Variants in DAB1 observed in about 807,000 individuals in gnomAD.
The protein encoded by DAB1 is disabled homolog 1.
A neutral mutation model predicts 64.6 loss-of-function variants in DAB1; 15 were observed. The observed-to-expected ratio is 0.23, with a 90% confidence interval of 0.16 to 0.36. The LOEUF (loss-of-function observed/expected upper bound fraction) is 0.36. DAB1 is among the 10% of genes least tolerant of loss of function. The probability of loss-of-function intolerance (pLI) is 1.00; values close to 1 mark genes in which losing one functional copy is unlikely to be tolerated. For missense variants in DAB1, 596 were observed against 706.7 expected (o/e 0.84, Z 1.78); for synonymous variants, 235 against 251.9 (o/e 0.93, Z 0.64).
intron 7 of DAB1, among the ~76,000 whole-genome samples, chr1:57,485,314 T>G: frequency 6.6e-6 from 1 of 152,200 alleles, no homozygotes; most frequent in East Asian, 1.9e-4. Context: ...GGTGAGACCC[T>G]CTAACATTTT....
chr1:58,322,230 A>G (rs1275129196), intron 4 of DAB1, among the ~76,000 whole-genome samples: 1 of 152,248 alleles, frequency 6.6e-6, no homozygotes, highest in Non-Finnish European at 1.5e-5. Context: ...AAAAGCCAAA[A>G]TAGACAAATG....
At chr1:57,105,897 C>T (rs537816565) in intron 4 of DAB1, among the ~76,000 whole-genome samples, 18 of 152,228 alleles carry the variant, frequency 1.2e-4, no homozygotes, top group African/African-American at 4.3e-4. Context: ...ACTGATGGTC[C>T]TTTCTGACTG....
At chr1:57,454,831 C>G (rs1253580780) in intron 7 of DAB1, among the ~76,000 whole-genome samples, 1 of 152,024 alleles carries the variant, frequency 6.6e-6, no homozygotes, top group Non-Finnish European at 1.5e-5. Flanking sequence ...AGTAATTAAG[C>G]TGAGCACTGG....
At chr1:58,196,744 C>A (rs1657697920) in intron 4 of DAB1, among the ~76,000 whole-genome samples, 1 of 152,158 alleles carries the variant, frequency 6.6e-6, no homozygotes, top group South Asian at 2.1e-4. Flanking sequence ...CTCATGAGAA[C>A]TCCCTTACTA....
At chr1:57,093,203 G>T (rs574464116) in intron 4 of DAB1, among the ~76,000 whole-genome samples, 1 of 152,310 alleles carries the variant, frequency 6.6e-6, no homozygotes, top group South Asian at 2.1e-4. Flanking sequence ...GCAGGTGGCT[G>T]CTCGTCACCT....
intron 7 of DAB1, among the ~76,000 whole-genome samples, chr1:57,646,652 G>C (rs1646194272): frequency 6.6e-6 from 1 of 152,186 alleles, no homozygotes; most frequent in African/African-American, 2.4e-5. Flanking sequence ...GGGAGGCTGA[G>C]ATGGGAGGAT....
intron 1 of DAB1, among the ~76,000 whole-genome samples, chr1:57,353,584 C>T (rs998693782): frequency 2.0e-5 from 3 of 152,148 alleles, no homozygotes; most frequent in African/African-American, 7.2e-5. Flanking sequence ...TGCTGGACCT[C>T]AGCATTCACT....
chr1:57,442,314 T>A (rs376165367), intron 7 of DAB1, among the ~76,000 whole-genome samples: 4 of 152,222 alleles, frequency 2.6e-5, no homozygotes, highest in African/African-American at 9.6e-5. Flanking sequence ...AAAGTAGTAA[T>A]CATTAATTTG....
At chr1:57,480,263 C>A (rs1643999450) in intron 7 of DAB1, among the ~76,000 whole-genome samples, 1 of 151,814 alleles carries the variant, frequency 6.6e-6, no homozygotes, top group Non-Finnish European at 1.5e-5. Flanking sequence ...TGAGCATTTA[C>A]AAATGGGTAC....
intron 4 of DAB1, among the ~76,000 whole-genome samples, chr1:58,259,426 G>A (rs1454845229): frequency 6.6e-6 from 1 of 152,174 alleles, no homozygotes; most frequent in Non-Finnish European, 1.5e-5. Flanking sequence ...CTTTCTCTTG[G>A]AAGATTCCCA....
intron 5 of DAB1, among the ~76,000 whole-genome samples, chr1:57,971,538 TA>T (rs1391604056): frequency 6.6e-6 from 1 of 152,254 alleles, no homozygotes; most frequent in African/African-American, 2.4e-5. Flanking sequence ...GGCCAGTTGT[TA>T]AACTCTTTGA....
Position 57,393,158 on chromosome 1 carries a change from C to A in DAB1, c.-137+30772G>T, listed in dbSNP as rs549151454. Among the ~76,000 whole-genome samples, 6 of 152,154 alleles carry A rather than the reference C, an allele frequency of 3.9e-5. No individual in the cohort carries two copies. In the South Asian group the frequency reaches 1.2e-3, roughly 32 times the overall value. ...TCTGTGTGACCTGAGCAAGCTAATT[C>A]TTTGGCCTTGGTTTCTTATGAAAAA... On this transcript the variant is annotated intron_variant, in intron 1 of 14. Transcript: ENST00000371236.
At chr1:58,312,977 G>T (rs1483479373) in intron 4 of DAB1, among the ~76,000 whole-genome samples, 1 of 152,148 alleles carries the variant, frequency 6.6e-6, no homozygotes, top group Non-Finnish European at 1.5e-5. Flanking sequence ...CATACAGGAA[G>T]TGCAATGTTA....
intron 6 of DAB1, among the ~76,000 whole-genome samples, chr1:57,811,891 A>G (rs1186537936): frequency 6.6e-6 from 1 of 152,198 alleles, no homozygotes; most frequent in Non-Finnish European, 1.5e-5. Context: ...TAGAATATGT[A>G]AAGTTCTACA....
chr1:57,108,836 A>T (rs973674713), intron 4 of DAB1, among the ~76,000 whole-genome samples: 1 of 152,180 alleles, frequency 6.6e-6, no homozygotes, highest in South Asian at 2.1e-4. Context: ...TGTTTCTAGG[A>T]AGACTAAATA....
chr1:58,190,231 T>C lies in DAB1; in HGVS notation n.310-39643A>G, dbSNP rs78846309. 3.1e-3 allele frequency among the ~76,000 whole-genome samples: 471 copies of C among 152,286 alleles called. 1 individual carries two copies. Among genetic ancestry groups the C allele is most frequent in the African/African-American group, 9.9e-3 (413 of 41,562 alleles). Reference sequence around the variant, plus strand: ...TTTGCAGACTAATATATGCCAGATATAAGAAAGAATCCTGCTGTTCTCACA... The same window carrying C: ...TTTGCAGACTAATATATGCCAGATACAAGAAAGAATCCTGCTGTTCTCACA... On this transcript the variant is annotated intron_variant and non_coding_transcript_variant, in intron 4 of 20. Transcript: ENST00000485760.
chr1:58,179,070 T>C (rs1308206412), intron 4 of DAB1, among the ~76,000 whole-genome samples: 1 of 152,070 alleles, frequency 6.6e-6, no homozygotes, highest in Non-Finnish European at 1.5e-5. Context: ...AAATACTTTT[T>C]TGGCATGTAT....
In DAB1 at chr1:58,034,232, G is replaced by T. The variant is rs556197447; in HGVS notation, n.387+116279C>A. Reference sequence around the variant, plus strand: ...ATATTTGAACTGCTCCTACGAAGAGGTCTTTGTGCTAAAGAACTGAGGGAA... The same window carrying T: ...ATATTTGAACTGCTCCTACGAAGAGTTCTTTGTGCTAAAGAACTGAGGGAA... On this transcript the variant is annotated intron_variant and non_coding_transcript_variant, in intron 5 of 20. Transcript: ENST00000485760. 9.2e-5 allele frequency among the ~76,000 whole-genome samples: 14 copies of T among 152,334 alleles called. No individual in the cohort carries two copies. In the East Asian group the frequency reaches 2.3e-3, roughly 25 times the overall value.
At chr1:58,538,668 T>C in intron 1 of DAB1, 1 of 511,974 alleles carries the variant, frequency 2.0e-6, no homozygotes, top group East Asian at 3.1e-5. Context: ...ACAGGGGATC[T>C]GGCAAGGTTT....
Sources: gnomAD v4.1 joint callset for allele counts (sites outside exome capture counted in the v4.1 genomes callset) on GRCh38, gnomAD v4.1.1 for gene constraint, MANE v1.5 for transcripts, NCBI Gene and HGNC (gene_info 2026-07-23, HGNC 2026-07-21) for gene names.